The following EYA3 variants were observed in gnomAD, a reference collection of about 807,000 sequenced individuals.
EYA3 encodes the protein protein phosphatase EYA3.
Under a neutral mutation model 80.0 loss-of-function variants are expected in EYA3, and 39 were observed. The ratio of observed to expected loss-of-function variants is 0.49; its 90% CI spans 0.38 to 0.64. EYA3 has a LOEUF of 0.64. Ranked by LOEUF, EYA3 falls within the 30% of genes least tolerant of loss-of-function variation. The pLI is 0.00. For synonymous variants in EYA3, 206 were observed against 232.8 expected (o/e 0.88, Z 1.05); for missense variants, 523 against 676.1 (o/e 0.77, Z 2.51).
intron 17 of EYA3, chr1:27,977,273 T>C (rs1638981004): frequency 1.3e-6 from 2 of 1,545,484 alleles, no homozygotes; most frequent in Non-Finnish European, 1.7e-6. Context: ...TGCCAACTGA[T>C]TACCAATCTC....
intron 5 of EYA3, among the ~76,000 whole-genome samples, chr1:28,037,604 T>C (rs1643526789): frequency 6.6e-6 from 1 of 152,238 alleles, no homozygotes; most frequent in South Asian, 2.1e-4. Flanking sequence ...TCACATTTAG[T>C]ATCTAATTTC....
chr1:28,018,779 T>C (rs1348972731), intron 7 of EYA3, among the ~76,000 whole-genome samples: 1 of 152,168 alleles, frequency 6.6e-6, no homozygotes, highest in African/African-American at 2.4e-5. Context: ...GCAGCAAAAA[T>C]AATGGAAGAT....
At chr1:28,043,608 C>T (rs1388272521) in intron 3 of EYA3, among the ~76,000 whole-genome samples, 8 of 152,036 alleles carry the variant, frequency 5.3e-5, no homozygotes, top group Non-Finnish European at 1.0e-4. Flanking sequence ...GAAGCTGAGG[C>T]GGGCGGATCA....
intron 1 of EYA3, among the ~76,000 whole-genome samples, chr1:28,076,018 T>C (rs1055156260): frequency 3.3e-5 from 5 of 152,250 alleles, no homozygotes; most frequent in Admixed American, 6.5e-5. Context: ...CTAACCTCTC[T>C]TAAGGCTCCC....
chr1:28,000,758 C>T (rs1005792950), intron 11 of EYA3, among the ~76,000 whole-genome samples: 2 of 152,224 alleles, frequency 1.3e-5, no homozygotes, highest in Admixed American at 1.3e-4. Context: ...GCAAGACCCC[C>T]GTCTCCACAA....
At chr1:27,982,486 C>T (rs1455574284) in intron 16 of EYA3, among the ~76,000 whole-genome samples, 1 of 150,902 alleles carries the variant, frequency 6.6e-6, no homozygotes, top group Non-Finnish European at 1.5e-5. Flanking sequence ...AAAATCAAGA[C>T]ATTACAGAAC....
chr1:28,029,671 T>C (rs985818405), intron 6 of EYA3, among the ~76,000 whole-genome samples: 1 of 151,484 alleles, frequency 6.6e-6, no homozygotes, highest in African/African-American at 2.4e-5. Flanking sequence ...TCTCAGCTCA[T>C]TGCAATCTCC....
intron 3 of EYA3, among the ~76,000 whole-genome samples, chr1:28,043,447 T>C (rs948816442): frequency 6.6e-6 from 1 of 152,190 alleles, no homozygotes; most frequent in East Asian, 1.9e-4. Context: ...TCTGTTACCT[T>C]GCTCCCAAAG....
intron 14 of EYA3, among the ~76,000 whole-genome samples, chr1:27,992,328 T>TA (rs1315956017): frequency 1.3e-5 from 2 of 152,210 alleles, no homozygotes; most frequent in Non-Finnish European, 2.9e-5. Flanking sequence ...AGGCATTAGT[T>TA]AGATTTTCAT....
At chr1:28,050,183 T>C (rs1644185085) in intron 2 of EYA3, among the ~76,000 whole-genome samples, 1 of 134,796 alleles carries the variant, frequency 7.4e-6, no homozygotes, top group Non-Finnish European at 1.6e-5. Flanking sequence ...TATTTATTAT[T>C]ATTATTATTA....
intron 10 of EYA3, among the ~76,000 whole-genome samples, chr1:28,007,144 T>C (rs1641341982): frequency 6.6e-6 from 1 of 151,558 alleles, no homozygotes; most frequent in African/African-American, 2.4e-5. Flanking sequence ...AGAGACAGGG[T>C]TTTGCCACGT....
chr1:27,996,827 G>A (rs1019566808), intron 13 of EYA3, among the ~76,000 whole-genome samples: 1 of 152,164 alleles, frequency 6.6e-6, no homozygotes, highest in Admixed American at 6.5e-5. Context: ...GAGGAATGAG[G>A]AGCCTGAGCA....
intron 17 of EYA3, among the ~76,000 whole-genome samples, chr1:27,977,919 G>A (rs1400837605): frequency 1.3e-5 from 2 of 152,044 alleles, no homozygotes; most frequent in Non-Finnish European, 2.9e-5. Context: ...TAGTGGTGGG[G>A]TTAACATCAG....
chr1:27,993,682 C>T (rs1262979928), intron 13 of EYA3, 122 bp from the exon 14 acceptor site: 3 of 732,420 alleles, frequency 4.1e-6, no homozygotes, highest in African/African-American at 3.6e-5. Flanking sequence ...GATCTTCTTC[C>T]TTAATCTCTG....
chr1:28,062,657 G>GGTGTGTGTGTGTGTGTGTGTGTGTGTGT (rs71027260), intron 1 of EYA3, among the ~76,000 whole-genome samples: 43 of 141,526 alleles, frequency 3.0e-4, no homozygotes, highest in South Asian at 6.9e-4. Context: ...AATATATGTA[G>GGTGTGTGTGTGTGTGTGTGTGTGTGTGT]GTGTGTGTGT....
intron 2 of EYA3, among the ~76,000 whole-genome samples, chr1:28,054,471 AT>A (rs1425949390): frequency 1.3e-5 from 2 of 152,232 alleles, no homozygotes; most frequent in African/African-American, 4.8e-5. Context: ...CACCTCAATT[AT>A]TTTAAATAAG....
intron 2 of EYA3, among the ~76,000 whole-genome samples, chr1:28,051,638 G>A (rs901908935): frequency 3.3e-5 from 5 of 152,176 alleles, no homozygotes; most frequent in African/African-American, 4.8e-5. Context: ...AGTAAGCTGA[G>A]ATTGCACCAC....
intron 7 of EYA3, among the ~76,000 whole-genome samples, chr1:28,019,348 T>G (rs754351893): frequency 3.9e-5 from 6 of 152,224 alleles, no homozygotes; most frequent in Admixed American, 1.3e-4. Context: ...GTATTTTCTT[T>G]CAACCAATAT....
chr1:27,988,411 G>T, intron 16 of EYA3, 124 bp downstream of exon 16: 3 of 1,072,122 alleles, frequency 2.8e-6, no homozygotes, highest in Non-Finnish European at 4.0e-6. Context: ...TTAGAAGACT[G>T]TTGTGAGGAC....
Sources: gnomAD v4.1 joint callset for allele counts (sites outside exome capture counted in the v4.1 genomes callset) on GRCh38, gnomAD v4.1.1 for gene constraint, MANE v1.5 for transcripts, NCBI Gene and HGNC (gene_info 2026-07-23, HGNC 2026-07-21) for gene names.